RAP1GAP2: variants seen among roughly 807,000 people sequenced by gnomAD.
RAP1GAP2 encodes the protein rap1 GTPase-activating protein 2.
Under a neutral mutation model 95.0 loss-of-function variants are expected in RAP1GAP2, and 27 were observed. The ratio of observed to expected loss-of-function variants is 0.28; its 90% CI spans 0.21 to 0.39. The LOEUF (loss-of-function observed/expected upper bound fraction) is 0.39, where lower values mean the gene tolerates loss of function less well. Ranked by LOEUF, RAP1GAP2 falls within the 10% of genes least tolerant of loss-of-function variation. The pLI is 1.00. For synonymous variants in RAP1GAP2, 373 were observed against 380.9 expected (o/e 0.98, Z 0.24); for missense variants, 771 against 970.0 (o/e 0.79, Z 2.72).
At chr17:2,995,646 A>G (rs1379614325) in intron 13 of RAP1GAP2, among the ~76,000 whole-genome samples, 180 bp downstream of exon 13, 1 of 152,228 alleles carries the variant, frequency 6.6e-6, no homozygotes, top group African/African-American at 2.4e-5. Flanking sequence ...GCTGTGCCTC[A>G]GCGGTCCGTT....
intron 5 of RAP1GAP2, chr17:2,962,998 C>T: frequency 1.8e-6 from 1 of 541,912 alleles, no homozygotes; most frequent in Non-Finnish European, 3.3e-6. Context: ...CTACCCTGTG[C>T]AGTGTGTAAG....
intron 2 of RAP1GAP2, among the ~76,000 whole-genome samples, chr17:2,889,885 ATATATT>A (rs1190346682): frequency 0.041 from 1,850 of 44,804 alleles, 26 homozygotes; most frequent in Middle Eastern, 0.11. Context: ...ATATATATAT[ATATATT>A]TTTTTTTTTT....
At chr17:2,831,762 G>T (rs928778839) in intron 2 of RAP1GAP2, among the ~76,000 whole-genome samples, 1 of 152,064 alleles carries the variant, frequency 6.6e-6, no homozygotes, top group African/African-American at 2.4e-5. Context: ...AGATGTGGTG[G>T]TGCACACCTG....
intron 1 of RAP1GAP2, among the ~76,000 whole-genome samples, chr17:2,763,160 T>A (rs1331609841): frequency 3.9e-5 from 6 of 152,356 alleles, no homozygotes; most frequent in African/African-American, 1.4e-4. Flanking sequence ...ACATATTTTC[T>A]ACGTTAACAA....
rs369871781 is a variant in RAP1GAP2, at chr17:2,770,499, C to T, written c.167+54C>T. ...CATTCTTTGGCCTCGGCCCAGGCCT[C>T]TCAGCTGGTACTTAGGAAGTGAGCT... On this transcript the variant is annotated intron_variant, in intron 2 of 25. Coordinates refer to the RAP1GAP2 transcript ENST00000637138. The T allele has an allele frequency of 4.5e-5, 18 of 398,566 alleles. No homozygotes were observed. The South Asian group carries it at 6.4e-4, about 14-fold the overall frequency. The allele number at this position is 398,566 out of a possible 1,614,324, so 24.7% of individuals were successfully genotyped here. A position where few individuals can be genotyped will look rare whatever the true frequency, so the allele number is the denominator to read the frequency against.
chr17:2,865,540 T>C (rs1243845214), intron 2 of RAP1GAP2, among the ~76,000 whole-genome samples: 3 of 152,170 alleles, frequency 2.0e-5, no homozygotes, highest in Non-Finnish European at 4.4e-5. Flanking sequence ...ACCTGTGCCA[T>C]CTGTATTTTA....
At chr17:2,921,829 G>T (rs2042791396) in intron 3 of RAP1GAP2, among the ~76,000 whole-genome samples, 1 of 152,150 alleles carries the variant, frequency 6.6e-6, no homozygotes, top group Non-Finnish European at 1.5e-5. Flanking sequence ...CCAGCGCCTG[G>T]TGGCTCCAGG....
chr17:2,897,485 A>G (rs953179575), intron 2 of RAP1GAP2, among the ~76,000 whole-genome samples: 1 of 151,450 alleles, frequency 6.6e-6, no homozygotes, highest in African/African-American at 2.4e-5. Context: ...ATCTTGGCTC[A>G]CTGCAACCTC....
In RAP1GAP2 at chr17:2,839,352, A is replaced by C. The variant is rs140322906; in HGVS notation, c.80+38802A>C. On this transcript the variant is annotated intron_variant, in intron 2 of 24. Coordinates refer to ENST00000254695, the MANE Select transcript of RAP1GAP2 (RefSeq NM_015085.5). ...GAATAAAAAATAAATAAAATTACAG[A>C]AAAATTAAGAGTACAGAGAGTCCCC... 6.0e-3 allele frequency among the ~76,000 whole-genome samples: 910 copies of C among 152,202 alleles called. 6 individuals are homozygous for C. The highest frequency in any genetic ancestry group is 0.021 in the South Asian group (103 of 4,822).
intron 1 of RAP1GAP2, among the ~76,000 whole-genome samples, chr17:2,779,991 C>A (rs57239883): frequency 6.6e-6 from 1 of 151,958 alleles, no homozygotes; most frequent in South Asian, 2.1e-4. Flanking sequence ...TCTAGCTGGG[C>A]CTTCCTAGGG....
At chr17:2,800,461 TGTA>T in intron 1 of RAP1GAP2, 51 bp from the exon 2 acceptor site, 1 of 1,585,320 alleles carries the variant, frequency 6.3e-7, no homozygotes. Context: ...ACAGATGCTA[TGTA>T]GGAGTCTTCA....
chr17:2,766,556 G>C (rs1346400784), intron 1 of RAP1GAP2, among the ~76,000 whole-genome samples: 1 of 151,970 alleles, frequency 6.6e-6, no homozygotes, highest in Non-Finnish European at 1.5e-5. Context: ...GTTGCTGTGA[G>C]CCGAGATCAC....
At chr17:2,834,027 T>C (rs918144659) in intron 2 of RAP1GAP2, among the ~76,000 whole-genome samples, 7 of 152,178 alleles carry the variant, frequency 4.6e-5, no homozygotes, top group Non-Finnish European at 7.3e-5. Flanking sequence ...TCAGGTGGAC[T>C]CTCGGCCTCT....
Position 2,796,544 on chromosome 17 carries a change from G to A in RAP1GAP2, c.17G>A (p.Arg6His), listed in dbSNP as rs776282806. The A allele has an allele frequency of 5.8e-6, 9 of 1,564,402 alleles. No individual in the cohort carries two copies. The Admixed American group carries it at 9.6e-5, about 17-fold the overall frequency. Residue 6 changes from arginine to histidine, a missense_variant, in exon 1 of 25, where the codon CGC becomes CAC. Coordinates refer to ENST00000254695, the MANE Select transcript of RAP1GAP2 (RefSeq NM_015085.5). The surrounding 1 kb of genome is among the most constrained non-coding windows in gnomAD (Gnocchi z 4.7). ...GCCACAACCATGTTTGGCCGGAAGCGCAGTGTCTCCTTTGGGGGCTTCGGA... is the reference window on the plus strand; with the variant it reads ...GCCACAACCATGTTTGGCCGGAAGCACAGTGTCTCCTTTGGGGGCTTCGGA... MFGRKRSVSFGGFGWI... is the reference protein window; with the variant it reads MFGRKHSVSFGGFGWI...
rs139625312 is a variant in RAP1GAP2 at position 2,898,494 on chromosome 17, A to T, written c.81-6790A>T. 1.9e-3 allele frequency among the ~76,000 whole-genome samples: 289 copies of T among 152,300 alleles called. 2 individuals are homozygous for T. The East Asian group carries it at 0.025, about 13-fold the overall frequency. Reference sequence around the variant, plus strand: ...TGGCCCCAGCACAGGCATGAGGGTCATCAGTGCCCGCATCTCCATGTCTGT... The same window carrying T: ...TGGCCCCAGCACAGGCATGAGGGTCTTCAGTGCCCGCATCTCCATGTCTGT... On this transcript the variant is annotated intron_variant, in intron 2 of 24. Transcript: ENST00000254695.
intron 4 of RAP1GAP2, among the ~76,000 whole-genome samples, chr17:2,959,337 G>A (rs1296049532): frequency 6.6e-6 from 1 of 152,100 alleles, no homozygotes; most frequent in African/African-American, 2.4e-5. Flanking sequence ...TCTAGGGTAG[G>A]GGTCTTGTTT....
intron 12 of RAP1GAP2, 21 bp from the exon 13 acceptor site, chr17:2,995,316 C>T (rs964201106): frequency 5.6e-6 from 9 of 1,611,664 alleles, no homozygotes; most frequent in Non-Finnish European, 7.6e-6. Context: ...CTCCCCATCT[C>T]CTGCCCTGTT....
chr17:2,910,611 T>C (rs570554621), intron 3 of RAP1GAP2, among the ~76,000 whole-genome samples: 157 of 152,212 alleles, frequency 1.0e-3, no homozygotes, highest in African/African-American at 3.6e-3. Context: ...CACAGAAGAT[T>C]AGGGATGGGC....
intron 2 of RAP1GAP2, among the ~76,000 whole-genome samples, chr17:2,899,454 G>A (rs1020889311): frequency 7.9e-5 from 12 of 151,806 alleles, no homozygotes; most frequent in Non-Finnish European, 1.3e-4. Flanking sequence ...CTCGTGATCC[G>A]CCTGCCTTGG....
Sources: gnomAD v4.1 joint callset for allele counts (sites outside exome capture counted in the v4.1 genomes callset) on GRCh38, gnomAD v4.1.1 for gene constraint, Gnocchi (gnomAD v3.1) non-coding constraint, MANE v1.5 for transcripts, NCBI Gene and HGNC (gene_info 2026-07-23, HGNC 2026-07-21) for gene names.